The following TNC variants were observed in gnomAD, a reference collection of about 807,000 sequenced individuals.
TNC encodes the protein tenascin.
Under a neutral mutation model 202.4 loss-of-function variants are expected in TNC, and 109 were observed. The ratio of observed to expected loss-of-function variants is 0.54; its 90% CI spans 0.46 to 0.63. TNC has a LOEUF of 0.63. Among genes scored for constraint, TNC ranks in the 30% least tolerant of loss-of-function variants. The pLI, the probability that TNC is intolerant of heterozygous loss-of-function variation, is 0.00. For synonymous variants in TNC, 1,007 were observed against 1,089.7 expected (o/e 0.92, Z 1.50); for missense variants, 2,756 against 2,833.3 (o/e 0.97, Z 0.62).
Position 115,078,221 on chromosome 9 carries a change from G to C in TNC, c.2405-9C>G. The C allele has an allele frequency of 6.3e-7, 1 of 1,598,802 alleles. No homozygotes were observed. The highest frequency in any genetic ancestry group is 8.6e-7 in the Non-Finnish European group (1 of 1,168,912). On this transcript the variant is annotated splice_polypyrimidine_tract_variant and intron_variant, in intron 6 of 27. Coordinates refer to ENST00000350763, the MANE Select transcript of TNC (RefSeq NM_002160.4). Reference sequence around the variant, plus strand: ...GCTGGGGGCATCCAAGCCTATGATGGGCAGAGGACAGAGAGGCTTCAGAGG... The same window carrying C: ...GCTGGGGGCATCCAAGCCTATGATGCGCAGAGGACAGAGAGGCTTCAGAGG...
chr9:115,073,124 T>C (rs749919172), intron 10 of TNC, among the ~76,000 whole-genome samples: 1 of 152,208 alleles, frequency 6.6e-6, no homozygotes, highest in Middle Eastern at 3.4e-3. Flanking sequence ...AGGGGTAACC[T>C]TGGCAGAAAG....
chr9:115,085,893 T>C lies in TNC; in HGVS notation c.1838A>G (p.Glu613Gly). The C allele has an allele frequency of 6.2e-7, 1 of 1,612,390 alleles. No homozygotes were observed. The highest frequency in any genetic ancestry group is 8.5e-7 in the Non-Finnish European group (1 of 1,178,652). Residue 613 changes from glutamate to glycine, a missense_variant, in exon 3 of 28, where the codon GAG becomes GGG. By Grantham distance (98) the Glu-to-Gly change is moderately conservative (BLOSUM62 -2). This residue lies in a region of TNC where 2,559 missense variants were observed against 2,546.0 expected (regional missense o/e 1.01). Coordinates refer to ENST00000350763, the MANE Select transcript of TNC (RefSeq NM_002160.4). ...TGAGCAGTCTTCTCCGCTGTAGCCC[T>C]CGTTGCAGATGCAGCGGCCCGAGAC... The part of the protein sequence containing the change: ...QCVSGRCICN[E>G]GYSGEDCSEV...
At chr9:115,024,385 C>T (rs944362900) in intron 26 of TNC, among the ~76,000 whole-genome samples, 2 of 152,130 alleles carry the variant, frequency 1.3e-5, no homozygotes, top group African/African-American at 2.4e-5. Flanking sequence ...AGTCTAGCTT[C>T]GAATCCCATC....
chr9:115,061,273 T>C (rs1364900799), intron 13 of TNC, among the ~76,000 whole-genome samples: 3 of 152,216 alleles, frequency 2.0e-5, no homozygotes, highest in Admixed American at 6.5e-5. Context: ...GAGGGGTTAT[T>C]TTCAAACTGT....
Position 115,086,919 on chromosome 9 carries a change from T to A in TNC, c.812A>T (p.His271Leu). 6.2e-7 allele frequency: 1 copy of A among 1,613,836 alleles called. No homozygotes were observed. Among genetic ancestry groups the A allele is most frequent in the Non-Finnish European group, 8.5e-7 (1 of 1,179,946 alleles). The change falls in exon 3 of 28, where the codon CAC (histidine) becomes CTC (leucine). Residue 271 changes from histidine (H) to leucine (L), a missense_variant. Transcript: ENST00000350763. ...GTCVDGLCVC[H>L]DGFAGDDCNK... is the part of the protein sequence containing the mutation. ...GCAGTCATCGCCTGCAAAGCCATCGTGGCACACACACAAGCCATCTACACA... is the reference window on the plus strand; with the variant it reads ...GCAGTCATCGCCTGCAAAGCCATCGAGGCACACACACAAGCCATCTACACA...
intron 1 of TNC, among the ~76,000 whole-genome samples, chr9:115,111,399 C>CTCTT (rs1174066886): frequency 2.0e-4 from 14 of 71,342 alleles, no homozygotes; most frequent in African/African-American, 2.4e-4. Flanking sequence ...CTCTCTCTCT[C>CTCTT]TTTTTTTTTT....
At chr9:115,026,752 T>C in intron 25 of TNC, 57 bp from the exon 26 acceptor site, 1 of 1,581,766 alleles carries the variant, frequency 6.3e-7, no homozygotes, top group Non-Finnish European at 8.6e-7. Flanking sequence ...CCCTCATTTC[T>C]ATTTCACTCT....
intron 1 of TNC, among the ~76,000 whole-genome samples, chr9:115,092,951 T>G (rs1359595111): frequency 6.6e-6 from 1 of 152,184 alleles, no homozygotes; most frequent in Non-Finnish European, 1.5e-5. Flanking sequence ...ATTCTTATAC[T>G]CGCACACTGT....
intron 2 of TNC, 102 bp from the exon 3 acceptor site, chr9:115,087,375 C>T (rs2133518874): frequency 8.5e-7 from 1 of 1,171,398 alleles, no homozygotes; most frequent in East Asian, 2.5e-5. Flanking sequence ...AGGACGGTTG[C>T]ACCCTCAGGC....
rs751985635 is a variant in TNC, at chr9:115,035,183, GTTGTTATATACTTAA to G, written c.5787+6_5787+20del. The G allele has an allele frequency of 6.3e-7, 1 of 1,586,624 alleles. No homozygotes were observed. The highest frequency in any genetic ancestry group is 1.2e-5 in the South Asian group (1 of 86,764). Reference sequence around the variant, plus strand: ...CAAATGCTTCAACTAGCATTGAGGAGTTGTTATATACTTAAAATACCTTGACTGTGCCATCCACTG... The same window carrying G: ...CAAATGCTTCAACTAGCATTGAGGAGAATACCTTGACTGTGCCATCCACTG... On this transcript the variant is annotated splice_donor_region_variant and intron_variant, in intron 22 of 27. Coordinates refer to ENST00000350763, the MANE Select transcript of TNC (RefSeq NM_002160.4).
intron 9 of TNC, among the ~76,000 whole-genome samples, chr9:115,075,583 G>A (rs1461133868): frequency 2.0e-5 from 3 of 152,106 alleles, no homozygotes; most frequent in Non-Finnish European, 4.4e-5. Flanking sequence ...TCAAGAGATT[G>A]AGACCATCCT....
intron 1 of TNC, among the ~76,000 whole-genome samples, chr9:115,105,991 G>A (rs1836587336): frequency 6.6e-6 from 1 of 152,040 alleles, no homozygotes; most frequent in African/African-American, 2.4e-5. Context: ...CACACGATGG[G>A]GGAAGAACTG....
intron 1 of TNC, among the ~76,000 whole-genome samples, chr9:115,101,097 T>G (rs986327027): frequency 6.6e-6 from 1 of 152,204 alleles, no homozygotes; most frequent in South Asian, 2.1e-4. Context: ...TATCTACTTT[T>G]TCAGTACATA....
At chr9:115,060,676 T>C (rs1205029880) in intron 13 of TNC, among the ~76,000 whole-genome samples, 1 of 152,228 alleles carries the variant, frequency 6.6e-6, no homozygotes, top group African/African-American at 2.4e-5. Context: ...AAAGATTATC[T>C]CATCACTAGC....
chr9:115,077,621 T>G (rs1366307736), intron 7 of TNC, among the ~76,000 whole-genome samples: 1 of 152,262 alleles, frequency 6.6e-6, no homozygotes, highest in Non-Finnish European at 1.5e-5. Flanking sequence ...TCATTTGTCA[T>G]ATATGTTTTC....
chr9:115,096,481 G>A (rs77666894), intron 1 of TNC, among the ~76,000 whole-genome samples: 2,197 of 152,258 alleles, frequency 0.014, 50 homozygotes, highest in African/African-American at 0.051. Flanking sequence ...TGGTTTAGAG[G>A]ATTGCTTGTT....
chr9:115,075,186 A>G (rs1833750617), intron 9 of TNC, among the ~76,000 whole-genome samples: 1 of 152,036 alleles, frequency 6.6e-6, no homozygotes, highest in Non-Finnish European at 1.5e-5. Context: ...TTTGCAGTGC[A>G]AACTTCCCAG....
intron 1 of TNC, among the ~76,000 whole-genome samples, chr9:115,113,806 C>T (rs944390582): frequency 7.2e-5 from 11 of 152,110 alleles, no homozygotes; most frequent in Admixed American, 6.5e-5. Flanking sequence ...TTTCCGTTCG[C>T]GATCTGCTTT....
At chr9:115,075,615 T>C (rs1833786901) in intron 9 of TNC, among the ~76,000 whole-genome samples, 1 of 146,000 alleles carries the variant, frequency 6.8e-6, no homozygotes, top group Non-Finnish European at 1.5e-5. Flanking sequence ...TGAAACCCCA[T>C]TTCTACTAAA....
Sources: allele counts gnomAD v4.1 joint callset (sites outside exome capture counted in the v4.1 genomes callset), GRCh38; gene constraint gnomAD v4.1.1; regional missense constraint gnomAD v4.1.1; transcripts MANE v1.5; gene names NCBI Gene and HGNC (gene_info 2026-07-23, HGNC 2026-07-21).